Variants in TRIM2 observed in about 807,000 individuals in gnomAD.
The protein encoded by TRIM2 is tripartite motif-containing protein 2.
TRIM2 carries 20 observed loss-of-function variants against 75.2 expected under a neutral mutation model. That is an observed-to-expected ratio of 0.27 (90% confidence interval 0.19 to 0.39). The LOEUF (loss-of-function observed/expected upper bound fraction) is 0.39. Ranked by LOEUF, TRIM2 falls within the 10% of genes least tolerant of loss-of-function variation. TRIM2 has a pLI of 1.00. For missense variants in TRIM2, 660 were observed against 990.8 expected (o/e 0.67, Z 4.48); for synonymous variants, 373 against 388.3 (o/e 0.96, Z 0.46).
intron 1 of TRIM2, among the ~76,000 whole-genome samples, chr4:153,197,549 A>G (rs1384136947): frequency 6.6e-6 from 1 of 152,134 alleles, no homozygotes; most frequent in African/African-American, 2.4e-5. Flanking sequence ...TGATTAGCTC[A>G]TGAGTGCAGA....
chr4:153,293,904 G>A (rs1762297318), intron 4 of TRIM2, among the ~76,000 whole-genome samples: 1 of 152,178 alleles, frequency 6.6e-6, no homozygotes, highest in South Asian at 2.1e-4. Flanking sequence ...GTTTTGGCAG[G>A]GGGTTGGGGA....
Position 153,335,766 on chromosome 4 carries a change from G to A in TRIM2, c.*800G>A, listed in dbSNP as rs1303557977. 6 of 985,712 alleles carry A rather than the reference G, an allele frequency of 6.1e-6. No homozygotes were observed. In the African/African-American group the frequency reaches 1.0e-4, roughly 17 times the overall value. The allele number at this position is 985,712 out of a possible 1,614,324, so 61.1% of individuals were successfully genotyped here. On this transcript the variant is annotated 3_prime_UTR_variant, in exon 12 of 12. Transcript: ENST00000338700. ...CCCGTTAACTCCAGATCATTGCACT[G>A]GAATGTAATCAAGAAAGTTAGTCAT...
chr4:153,235,917 G>GATT (rs1744913666), intron 1 of TRIM2, among the ~76,000 whole-genome samples: 1 of 151,994 alleles, frequency 6.6e-6, no homozygotes, highest in Non-Finnish European at 1.5e-5. Context: ...CCTAAACTAT[G>GATT]ATTACCTTCT....
chr4:153,204,612 A>ACATAGGTAGTCACAG (rs1734881664), intron 1 of TRIM2, 52 bp downstream of exon 1: 1 of 1,550,270 alleles, frequency 6.5e-7, no homozygotes, highest in East Asian at 2.4e-5. Flanking sequence ...CAGCTGGTTA[A>ACATAGGTAGTCACAG]TCCGGGGCTG....
At chr4:153,249,678 G>T (rs1411024834) in intron 1 of TRIM2, among the ~76,000 whole-genome samples, 1 of 152,224 alleles carries the variant, frequency 6.6e-6, no homozygotes, top group Non-Finnish European at 1.5e-5. Context: ...GTCGCCCACG[G>T]AGACTCCCGA....
intron 1 of TRIM2, among the ~76,000 whole-genome samples, chr4:153,197,375 A>G (rs1733882380): frequency 6.6e-6 from 1 of 152,196 alleles, no homozygotes; most frequent in Non-Finnish European, 1.5e-5. Context: ...TTCTATTTGC[A>G]AAGCCCTTCA....
At chr4:153,223,921 T>A (rs1741407836) in intron 1 of TRIM2, among the ~76,000 whole-genome samples, 1 of 152,188 alleles carries the variant, frequency 6.6e-6, no homozygotes, top group Admixed American at 6.5e-5. Context: ...AGTATGCACA[T>A]CTATGCCTTT....
intron 6 of TRIM2, chr4:153,308,558 GTC>G: frequency 2.8e-6 from 2 of 713,370 alleles, no homozygotes; most frequent in South Asian, 2.7e-5. Flanking sequence ...GCAATATCCT[GTC>G]TCTGTGCATT....
Position 153,283,960 on chromosome 4 carries a change from C to T in TRIM2, c.453+7830C>T, listed in dbSNP as rs552752766. On this transcript the variant is annotated intron_variant, in intron 3 of 11. Coordinates refer to ENST00000338700, the MANE Select transcript of TRIM2 (RefSeq NM_015271.5). ...ATCTCAGCTCACTGCAGCCTCTCCT[C>T]CTGGGTTCAAGCAATTCTCCTGCCT... 5.4e-5 allele frequency among the ~76,000 whole-genome samples: 8 copies of T among 148,034 alleles called. No homozygotes were observed. In the South Asian group the frequency reaches 1.5e-3, roughly 28 times the overall value.
intron 1 of TRIM2, among the ~76,000 whole-genome samples, chr4:153,221,136 T>C (rs1218191179): frequency 6.6e-6 from 1 of 152,234 alleles, no homozygotes; most frequent in African/African-American, 2.4e-5. Context: ...GGTGTATTTA[T>C]ATAATATAAC....
intron 1 of TRIM2, among the ~76,000 whole-genome samples, chr4:153,210,638 A>G (rs1736730196): frequency 6.6e-6 from 1 of 152,166 alleles, no homozygotes; most frequent in Non-Finnish European, 1.5e-5. Context: ...TCTTCACTGG[A>G]TGATTCTATT....
At chr4:153,225,536 T>C (rs1741880693) in intron 1 of TRIM2, among the ~76,000 whole-genome samples, 1 of 152,246 alleles carries the variant, frequency 6.6e-6, no homozygotes, top group Non-Finnish European at 1.5e-5. Context: ...ACCTGTTAGT[T>C]GGCATGTCTG....
chr4:153,278,667 G>A (rs941364082), intron 3 of TRIM2, among the ~76,000 whole-genome samples: 10 of 152,082 alleles, frequency 6.6e-5, no homozygotes, highest in African/African-American at 2.4e-4. Context: ...GGCATGATGG[G>A]GCTGCACCTG....
intron 1 of TRIM2, among the ~76,000 whole-genome samples, chr4:153,261,360 T>C (rs1753544132): frequency 6.6e-6 from 1 of 152,038 alleles, no homozygotes; most frequent in South Asian, 2.1e-4. Flanking sequence ...GAGGTGGACG[T>C]TGCAGTAAGC....
chr4:153,225,464 A>G (rs1741859835), intron 1 of TRIM2, among the ~76,000 whole-genome samples: 1 of 152,238 alleles, frequency 6.6e-6, no homozygotes, highest in African/African-American at 2.4e-5. Context: ...AAAGGCTGGC[A>G]TAATATCATA....
chr4:153,329,644 C>T (rs1382894022), intron 11 of TRIM2, among the ~76,000 whole-genome samples: 30 of 151,374 alleles, frequency 2.0e-4, no homozygotes, highest in Non-Finnish European at 1.8e-4. Flanking sequence ...GAGACAAGCT[C>T]GGCCAACACG....
chr4:153,177,849 T>C (rs1731630852), intron 1 of TRIM2, among the ~76,000 whole-genome samples: 1 of 151,872 alleles, frequency 6.6e-6, no homozygotes, highest in Non-Finnish European at 1.5e-5. Flanking sequence ...TCACCCAGGC[T>C]GAAGTGCAGT....
chr4:153,155,163 A>T (rs1026753408), intron 1 of TRIM2, among the ~76,000 whole-genome samples: 1 of 152,196 alleles, frequency 6.6e-6, no homozygotes, highest in African/African-American at 2.4e-5. Context: ...GAAAGAAAAA[A>T]TGTGTCCCAA....
At chr4:153,173,534 C>A (rs540781602) in intron 1 of TRIM2, among the ~76,000 whole-genome samples, 5 of 151,630 alleles carry the variant, frequency 3.3e-5, no homozygotes, top group Non-Finnish European at 7.4e-5. Context: ...TGGTGGCGGG[C>A]GCCTGTGGTC....
Sources: gnomAD v4.1 joint callset for allele counts (sites outside exome capture counted in the v4.1 genomes callset) on GRCh38, gnomAD v4.1.1 for gene constraint, MANE v1.5 for transcripts, NCBI Gene and HGNC (gene_info 2026-07-23, HGNC 2026-07-21) for gene names.